Variants in FBXO2 observed in about 807,000 individuals in gnomAD.
FBXO2 encodes F-box protein 2.
Under a neutral mutation model 38.6 loss-of-function variants are expected in FBXO2, and 32 were observed. That is an observed-to-expected ratio of 0.83 (90% CI 0.62 to 1.11). FBXO2 has a LOEUF of 1.11. Ranked by LOEUF, FBXO2 falls within the 50% of genes most tolerant of loss-of-function variation. The pLI, the probability that FBXO2 is intolerant of heterozygous loss-of-function variation, is 0.00. For missense variants in FBXO2, 450 were observed against 418.3 expected, an observed-to-expected ratio of 1.08 and a Z score of -0.66; for synonymous variants, 189 against 182.9, an observed-to-expected ratio of 1.03 and a Z score of -0.27.
intron 5 of FBXO2, 44 bp downstream of exon 5, chr1:11,649,043 C>G: frequency 6.4e-7 from 1 of 1,551,782 alleles, no homozygotes; most frequent in Non-Finnish European, 8.7e-7. Flanking sequence ...CCACGCCCCT[C>G]ATGTCCGTGC....
At chr1:11,650,886 C>A in intron 1 of FBXO2, 52 bp from the exon 2 acceptor site, 1 of 1,545,456 alleles carries the variant, frequency 6.5e-7, no homozygotes, top group Non-Finnish European at 8.7e-7. Flanking sequence ...TGTACTCCTC[C>A]AGGCCCCAGG....
rs763365868 is a variant in FBXO2, at chr1:11,648,870, G to A, written c.757-42C>T. 3.7e-6 allele frequency: 6 copies of A among 1,606,946 alleles called. No homozygotes were observed. Among genetic ancestry groups the A allele is most frequent in the Middle Eastern group, 3.5e-4 (2 of 5,680 alleles). The stretch of plus-strand genomic sequence containing the variant: ...CAAGAGTCAGCCTCGGAGGTCCTGA[G>A]GCCTCTCCTGCCGCCCCACCCCGGT... On this transcript the variant is annotated intron_variant, in intron 5 of 5. Coordinates refer to ENST00000354287, the MANE Select transcript of FBXO2 (RefSeq NM_012168.6). The surrounding 1 kb of genome is among the most constrained non-coding windows in gnomAD (Gnocchi z 4.2).
chr1:11,653,863 C>G (rs1396354976), intron 1 of FBXO2, among the ~76,000 whole-genome samples: 1 of 152,182 alleles, frequency 6.6e-6, no homozygotes, highest in Non-Finnish European at 1.5e-5. Flanking sequence ...GGCAGCCCCT[C>G]CAGACAAGGG....
At position 11,654,200 on chromosome 1, in the gene FBXO2, G is replaced by GA. The variant is rs1462525017; in HGVS notation, c.22+118dup. 5.2e-6 allele frequency: 6 copies of GA among 1,162,890 alleles called. No individual in the cohort carries two copies. The African/African-American group carries it at 9.8e-5, about 19-fold the overall frequency. The allele number at this position is 1,162,890 out of a possible 1,614,324, so 72.0% of individuals were successfully genotyped here. Reference sequence around the variant, plus strand: ...ACCGCCTCTAGGGCTTCGCTGGCGTGAAAGTTTGCCGCGCCAGGTCTCCGG... The same window carrying GA: ...ACCGCCTCTAGGGCTTCGCTGGCGTGAAAAGTTTGCCGCGCCAGGTCTCCGG... On this transcript the variant is annotated intron_variant, in intron 1 of 5. Coordinates refer to ENST00000354287, the MANE Select transcript of FBXO2 (RefSeq NM_012168.6).
Position 11,648,777 on chromosome 1 carries a change from C to T in FBXO2, c.808G>A (p.Glu270Lys), listed in dbSNP as rs1440697514. 1.2e-6 allele frequency: 2 copies of T among 1,613,696 alleles called. No individual in the cohort carries two copies. Among genetic ancestry groups the T allele is most frequent in the East Asian group, 2.2e-5 (1 of 44,880 alleles). ...YGPGVRFVRFEHGGQDSVYWK... is the reference protein window; with the variant it reads ...YGPGVRFVRFKHGGQDSVYWK... ...TAGACGGAGTCCTGCCCCCCGTGCT[C>T]GAAGCGGACGAAGCGGACGCCCGGC... The change falls in exon 6 of 6, where the codon GAG becomes AAG. Residue 270 changes from glutamate (E) to lysine (K), a missense_variant. By Grantham distance (56) the Glu-to-Lys change is moderately conservative (BLOSUM62 1). Coordinates refer to ENST00000354287, the MANE Select transcript of FBXO2 (RefSeq NM_012168.6). The surrounding 1 kb of genome is among the most constrained non-coding windows in gnomAD (Gnocchi z 4.2).
At chr1:11,649,302 T>G in intron 4 of FBXO2, 77 bp from the exon 5 acceptor site, 1 of 1,257,250 alleles carries the variant, frequency 8.0e-7, no homozygotes, top group Non-Finnish European at 1.1e-6. Flanking sequence ...GAACACGTCC[T>G]GGGGATGGGG....
At position 11,649,232 on chromosome 1, in the gene FBXO2, AGAGG is replaced by A; in HGVS notation, c.618-11_618-8del. On this transcript the variant is annotated splice_polypyrimidine_tract_variant and splice_region_variant and intron_variant, in intron 4 of 5. Transcript: ENST00000354287. ...GTCGCTGCGGCCCGAGTACCTGCTC[AGAGG>A]GAGGGAGCGAGGTGGGGGGCGGGAG... 9.4e-7 allele frequency: 1 copy of A among 1,066,754 alleles called. No homozygotes were observed. The highest frequency in any genetic ancestry group is 1.3e-6 in the Non-Finnish European group (1 of 796,596). The allele number at this position is 1,066,754 out of a possible 1,614,324, so 66.1% of individuals were successfully genotyped here. A position where few individuals can be genotyped will look rare whatever the true frequency, so the allele number is the denominator to read the frequency against.
chr1:11,650,403 C>T (rs1639494488), intron 2 of FBXO2, 63 bp downstream of exon 2: 3 of 1,551,498 alleles, frequency 1.9e-6, no homozygotes, highest in Non-Finnish European at 2.6e-6. Context: ...CAAAGCCAGG[C>T]GGCGCCGTTT....
rs769151344 is a variant in FBXO2, at chr1:11,650,852, T to TGGGA, written c.23-22_23-19dup. 32 of 1,555,572 alleles carry TGGGA rather than the reference T, an allele frequency of 2.1e-5. No individual in the cohort carries two copies. The African/African-American group carries it at 4.4e-4, about 22-fold the overall frequency. On this transcript the variant is annotated intron_variant, in intron 1 of 5. Transcript: ENST00000354287. ...CACGCTCTCTGCAGGCAGGGATGGG[T>TGGGA]GGGAGGCTGTGATTCCTCCACCCTG...
At position 11,648,656 on chromosome 1, in the gene FBXO2, C is replaced by T. The variant is rs780488674; in HGVS notation, c.*38G>A. The T allele has an allele frequency of 3.0e-5, 49 of 1,607,344 alleles. No individual in the cohort carries two copies. The Admixed American group carries it at 7.0e-4, about 23-fold the overall frequency. On this transcript the variant is annotated 3_prime_UTR_variant, in exon 6 of 6. Coordinates refer to ENST00000354287, the MANE Select transcript of FBXO2 (RefSeq NM_012168.6). The surrounding 1 kb of genome is among the most constrained non-coding windows in gnomAD (Gnocchi z 4.2). The stretch of plus-strand genomic sequence containing the variant: ...AGGCCTATCTACCCTCGACCTTTGC[C>T]CCTCCAGGCAGCTGGGGGAGAGTGG...
chr1:11,650,553 C>A lies in FBXO2; in HGVS notation c.304G>T (p.Gly102Cys). The stretch of plus-strand genomic sequence containing the variant: ...CAGTGGTCGCGCTCCTCCTCCACGC[C>A]GCCCTCGGGCACCAGCCCCTCCTGC... ...CQQEGLVPEG[G>C]VEEERDHWQQ... is the part of the protein sequence containing the mutation. The change falls in exon 2 of 6, where the codon GGC becomes TGC. Residue 102 changes from glycine (G) to cysteine (C), a missense_variant. Gly to Cys is a radical substitution (Grantham distance 159). Transcript: ENST00000354287. 1 of 1,596,360 alleles carries A rather than the reference C, an allele frequency of 6.3e-7. No individual in the cohort carries two copies. Among genetic ancestry groups the A allele is most frequent in the Non-Finnish European group, 8.5e-7 (1 of 1,173,266 alleles).
chr1:11,649,813 C>T lies in FBXO2; in HGVS notation c.583G>A (p.Asp195Asn). The part of the protein sequence containing the change: ...QAEGYWEELL[D>N]TTQPAIVVKD... Reference sequence around the variant, plus strand: ...ACCACGATGGCCGGCTGAGTCGTGTCCAGCAGCTCCTCCCAGTAGCCCTCA... The same window carrying T: ...ACCACGATGGCCGGCTGAGTCGTGTTCAGCAGCTCCTCCCAGTAGCCCTCA... Residue 195 changes from aspartate to asparagine, a missense_variant, in exon 4 of 6, where the codon GAC (aspartate) becomes AAC (asparagine). Physicochemically the swap from Asp to Asn is conservative, Grantham distance 23. Transcript: ENST00000354287. 6.2e-7 allele frequency: 1 copy of T among 1,614,010 alleles called. No individual in the cohort carries two copies. The highest frequency in any genetic ancestry group is 8.5e-7 in the Non-Finnish European group (1 of 1,180,008).
In FBXO2 at chr1:11,649,203, C is replaced by T; in HGVS notation, c.640G>A (p.Gly214Ser). 1 of 1,546,038 alleles carries T rather than the reference C, an allele frequency of 6.5e-7. No individual in the cohort carries two copies. Among genetic ancestry groups the T allele is most frequent in the Non-Finnish European group, 8.7e-7 (1 of 1,144,530 alleles). ...KDWYSGRSDA[G>S]CLYELTVKLL... ...TTAACGGTGAGCTCGTAGAGGCAACCAGCGTCGCTGCGGCCCGAGTACCTG... is the reference window on the plus strand; with the variant it reads ...TTAACGGTGAGCTCGTAGAGGCAACTAGCGTCGCTGCGGCCCGAGTACCTG... Residue 214 changes from glycine to serine, a missense_variant, in exon 5 of 6, where the codon GGT becomes AGT. Gly to Ser is a moderately conservative substitution (Grantham distance 56). Coordinates refer to ENST00000354287, the MANE Select transcript of FBXO2 (RefSeq NM_012168.6).
rs1345572007 is a variant in FBXO2 at position 11,650,085 on chromosome 1, A to G, written c.392-11T>C. On this transcript the variant is annotated splice_polypyrimidine_tract_variant and intron_variant, in intron 2 of 5. Transcript: ENST00000354287. ...AGCCTTCCAAGTCCTCTGTAGGGAC[A>G]CGACAGCCCCACCCTGGTCACTCAG... The G allele has an allele frequency of 1.2e-6, 2 of 1,613,772 alleles. No individual in the cohort carries two copies. Among genetic ancestry groups the G allele is most frequent in the Non-Finnish European group, 1.7e-6 (2 of 1,179,930 alleles).
In FBXO2 at chr1:11,650,478, G is replaced by T; in HGVS notation, c.379C>A (p.Pro127Thr). ...SKRRRNLLRNPCGEEDLEGWC... is the reference protein window; with the variant it reads ...SKRRRNLLRNTCGEEDLEGWC... ...GAGGGCCTCTCACCTTCCCCACACGGGTTACGCAGAAGGTTGCGGCGCCGC... is the reference window on the plus strand; with the variant it reads ...GAGGGCCTCTCACCTTCCCCACACGTGTTACGCAGAAGGTTGCGGCGCCGC... The change falls in exon 2 of 6, where the codon CCG becomes ACG. Residue 127 changes from proline (P) to threonine (T), a missense_variant. Pro to Thr is a conservative substitution (Grantham distance 38). Coordinates refer to ENST00000354287, the MANE Select transcript of FBXO2 (RefSeq NM_012168.6). 6.2e-7 allele frequency: 1 copy of T among 1,609,668 alleles called. No individual in the cohort carries two copies. Among genetic ancestry groups the T allele is most frequent in the Non-Finnish European group, 8.5e-7 (1 of 1,178,708 alleles).
chr1:11,650,369 A>G, intron 2 of FBXO2, 97 bp downstream of exon 2: 2 of 1,498,806 alleles, frequency 1.3e-6, no homozygotes, highest in Admixed American at 2.1e-5. Context: ...GCACTGAGCC[A>G]GGCGCTTAAT....
Position 11,648,995 on chromosome 1 carries a change from C to CCCGG in FBXO2, c.756+91_756+92insCCGG. On this transcript the variant is annotated intron_variant, in intron 5 of 5. Coordinates refer to ENST00000354287, the MANE Select transcript of FBXO2 (RefSeq NM_012168.6). The surrounding 1 kb of genome is among the most constrained non-coding windows in gnomAD (Gnocchi z 4.2). The stretch of plus-strand genomic sequence containing the variant: ...TCTCAGCCCAGCCCAGCCCAGCCCA[C>CCCGG]CCCAGCCCAGGAGCGCTGTGGGCGG... The CCCGG allele has an allele frequency of 3.0e-6, 4 of 1,349,030 alleles. No homozygotes were observed. The South Asian group carries it at 5.4e-5, about 18-fold the overall frequency. 83.6% of individuals were successfully genotyped at this position (1,349,030 alleles called of 1,614,324 possible).
chr1:11,652,355 G>A lies in FBXO2; in HGVS notation c.23-1521C>T, dbSNP rs145752112. Among the ~76,000 whole-genome samples, 4 of 152,264 alleles carry A rather than the reference G, an allele frequency of 2.6e-5. No individual in the cohort carries two copies. The East Asian group carries it at 7.7e-4, about 29-fold the overall frequency. Reference sequence around the variant, plus strand: ...GCAAGGAGATGACATAGGGGCTTGGGGAAGGAAACTTTCTCCACCTCCTTT... The same window carrying A: ...GCAAGGAGATGACATAGGGGCTTGGAGAAGGAAACTTTCTCCACCTCCTTT... On this transcript the variant is annotated intron_variant, in intron 1 of 5. Transcript: ENST00000354287.
chr1:11,652,093 T>C (rs1171644922), intron 1 of FBXO2, among the ~76,000 whole-genome samples: 1 of 152,210 alleles, frequency 6.6e-6, no homozygotes, highest in Non-Finnish European at 1.5e-5. Flanking sequence ...CCTCCTAAAG[T>C]TCTGGGATTA....
Sources: allele counts gnomAD v4.1 joint callset (sites outside exome capture counted in the v4.1 genomes callset), GRCh38; gene constraint gnomAD v4.1.1; non-coding constraint Gnocchi (gnomAD v3.1); transcripts MANE v1.5; gene names NCBI Gene and HGNC (gene_info 2026-07-23, HGNC 2026-07-21).